The following TBC1D15 variants were observed in gnomAD, a reference collection of about 807,000 sequenced individuals.
TBC1D15 encodes the protein GAP for RAB7.
In TBC1D15, 39 loss-of-function variants were observed where a neutral mutation model predicts 95.4. The observed-to-expected ratio is 0.41, with a 90% confidence interval of 0.32 to 0.53. The LOEUF is 0.53. Among genes scored for constraint, TBC1D15 ranks in the 20% least tolerant of loss-of-function variants. TBC1D15 has a pLI of 0.29. For missense variants in TBC1D15, 733 were observed against 794.3 expected (o/e 0.92, Z 0.93); for synonymous variants, 258 against 261.3 (o/e 0.99, Z 0.12).
rs1470387791 is a variant in TBC1D15, at chr12:71,839,946, T to C, written c.30+135T>C. On this transcript the variant is annotated intron_variant, in intron 1 of 16. Transcript: ENST00000485960. ...ACCCGTGGCGTCTGTAGGAGAAGAC[T>C]GGGTGGTACCAGCTGGTTTCCCGAG... 8.9e-6 allele frequency: 10 copies of C among 1,118,982 alleles called. No individual in the cohort carries two copies. The Admixed American group carries it at 1.9e-4, about 21-fold the overall frequency. The allele number at this position is 1,118,982 out of a possible 1,614,324, so 69.3% of individuals were successfully genotyped here. A position where few individuals can be genotyped will look rare whatever the true frequency, so the allele number is the denominator to read the frequency against.
chr12:71,919,384 G>C (rs12300615), intron 14 of TBC1D15, among the ~76,000 whole-genome samples: 2,645 of 152,002 alleles, frequency 0.017, 79 homozygotes, highest in African/African-American at 0.061. Context: ...TATAATGATT[G>C]ATCATACCTT....
intron 1 of TBC1D15, among the ~76,000 whole-genome samples, chr12:71,859,602 G>A (rs895974102): frequency 6.7e-6 from 1 of 149,716 alleles, no homozygotes; most frequent in Non-Finnish European, 1.5e-5. Flanking sequence ...TTACATTTAA[G>A]CTTCAATCCT....
At chr12:71,847,858 G>T (rs1422986013) in intron 1 of TBC1D15, among the ~76,000 whole-genome samples, 2 of 152,116 alleles carry the variant, frequency 1.3e-5, no homozygotes, top group Non-Finnish European at 2.9e-5. Flanking sequence ...AGCACTTTGG[G>T]AGGCCGAGGT....
intron 4 of TBC1D15, among the ~76,000 whole-genome samples, chr12:71,881,456 A>G (rs1895110685): frequency 6.6e-6 from 1 of 152,170 alleles, no homozygotes; most frequent in South Asian, 2.1e-4. Context: ...ATACTACCCA[A>G]AATCAGACTC....
chr12:71,869,039 A>C (rs1485848358), intron 1 of TBC1D15: 1 of 152,208 alleles, frequency 6.6e-6, no homozygotes, highest in African/African-American at 2.4e-5. Context: ...ATACATACAG[A>C]TAGTAAAATG....
At chr12:71,869,523 AAAAAC>A (rs200957061) in intron 1 of TBC1D15, among the ~76,000 whole-genome samples, 113 of 152,218 alleles carry the variant, frequency 7.4e-4, no homozygotes, top group South Asian at 6.2e-3. Flanking sequence ...ACTGTGTCTC[AAAAAC>A]AAAACAAAAC....
At chr12:71,912,238 G>A (rs1308593416) in intron 11 of TBC1D15, among the ~76,000 whole-genome samples, 1 of 152,078 alleles carries the variant, frequency 6.6e-6, no homozygotes, top group Non-Finnish European at 1.5e-5. Context: ...GAAACCATCT[G>A]TGTAAATTTA....
chr12:71,879,036 A>T lies in TBC1D15; in HGVS notation c.205-1433A>T, dbSNP rs114259070. On this transcript the variant is annotated intron_variant, in intron 3 of 16. Coordinates refer to ENST00000485960, the MANE Select transcript of TBC1D15 (RefSeq NM_001146213.3). ...TTCTCTTTTAAAAAAGAATTATACT[A>T]TTGACACATGAATACAATCCTGTTG... Among the ~76,000 whole-genome samples the T allele has an allele frequency of 2.3e-3, 348 of 151,978 alleles. 1 individual carries two copies. Among genetic ancestry groups the T allele is most frequent in the African/African-American group, 7.9e-3 (329 of 41,426 alleles).
intron 11 of TBC1D15, among the ~76,000 whole-genome samples, chr12:71,911,383 A>G (rs1382566616): frequency 1.3e-5 from 2 of 152,066 alleles, no homozygotes; most frequent in African/African-American, 2.4e-5. Flanking sequence ...CAAATGTCCA[A>G]TAATGATAGA....
At chr12:71,912,277 A>G (rs1023210881) in intron 11 of TBC1D15, among the ~76,000 whole-genome samples, 11 of 152,114 alleles carry the variant, frequency 7.2e-5, no homozygotes, top group Non-Finnish European at 1.5e-4. Flanking sequence ...ACTTTTGTCT[A>G]GCTTTTTTCT....
At chr12:71,879,994 A>G (rs1022951618) in intron 3 of TBC1D15, among the ~76,000 whole-genome samples, 1 of 152,182 alleles carries the variant, frequency 6.6e-6, no homozygotes, top group Non-Finnish European at 1.5e-5. Flanking sequence ...ACCTGTGAAT[A>G]TGTTGCTTTT....
intron 1 of TBC1D15, among the ~76,000 whole-genome samples, chr12:71,853,503 AATAAT>A (rs1160242408): frequency 6.6e-6 from 1 of 152,160 alleles, no homozygotes; most frequent in Non-Finnish European, 1.5e-5. Flanking sequence ...ATAGACTTAA[AATAAT>A]ACTTTAATAT....
chr12:71,912,823 A>C (rs1456348867), intron 11 of TBC1D15, among the ~76,000 whole-genome samples: 1 of 152,164 alleles, frequency 6.6e-6, no homozygotes, highest in African/African-American at 2.4e-5. Flanking sequence ...AATACACAAA[A>C]GTTACCGAAG....
intron 10 of TBC1D15, among the ~76,000 whole-genome samples, chr12:71,906,320 T>G (rs572965633): frequency 2.0e-5 from 3 of 152,370 alleles, no homozygotes; most frequent in Non-Finnish European, 4.4e-5. Flanking sequence ...TACTGAGAGA[T>G]TCAAGTTTGG....
chr12:71,895,313 G>T (rs924485603), intron 7 of TBC1D15, among the ~76,000 whole-genome samples: 8 of 152,038 alleles, frequency 5.3e-5, no homozygotes, highest in African/African-American at 1.9e-4. Flanking sequence ...AATTATGGCA[G>T]ATCTTTATAT....
chr12:71,894,970 C>A (rs1897881897), intron 7 of TBC1D15, 87 bp downstream of exon 7: 24 of 1,265,284 alleles, frequency 1.9e-5, no homozygotes, highest in Non-Finnish European at 2.4e-5. Context: ...TTGGTGATAT[C>A]TGCTTCTTTC....
intron 16 of TBC1D15, among the ~76,000 whole-genome samples, chr12:71,922,288 T>C (rs60813006): frequency 0.027 from 4,182 of 152,322 alleles, 194 homozygotes; most frequent in African/African-American, 0.094. Flanking sequence ...TTTCACCATG[T>C]TGGCCAGGTT....
chr12:71,869,874 T>A (rs544968030), intron 1 of TBC1D15, among the ~76,000 whole-genome samples: 29 of 152,326 alleles, frequency 1.9e-4, no homozygotes, highest in African/African-American at 6.7e-4. Flanking sequence ...AAATTATTTT[T>A]AAATATATGA....
intron 10 of TBC1D15, among the ~76,000 whole-genome samples, chr12:71,903,569 T>A (rs1287374559): frequency 6.6e-6 from 1 of 152,184 alleles, no homozygotes; most frequent in African/African-American, 2.4e-5. Flanking sequence ...AATGCACATG[T>A]ATGTTCATAG....
Sources: allele counts gnomAD v4.1 joint callset (sites outside exome capture counted in the v4.1 genomes callset), GRCh38; gene constraint gnomAD v4.1.1; transcripts MANE v1.5; gene names NCBI Gene and HGNC (gene_info 2026-07-23, HGNC 2026-07-21).